The following MSH3 variants were observed in gnomAD, a reference collection of about 807,000 sequenced individuals.
The protein encoded by MSH3 is DNA mismatch repair protein Msh3.
MSH3 carries 106 observed loss-of-function variants against 123.3 expected under a neutral mutation model. The ratio of observed to expected loss-of-function variants is 0.86; its 90% CI spans 0.73 to 1.01. The LOEUF (loss-of-function observed/expected upper bound fraction) is 1.01. Among genes scored for constraint, MSH3 ranks in the 50% least tolerant of loss-of-function variants. MSH3 has a pLI of 0.00. For missense variants in MSH3, 1,459 were observed against 1,347.6 expected (o/e 1.08, Z -1.29); for synonymous variants, 515 against 481.4 (o/e 1.07, Z -0.91).
intron 19 of MSH3, among the ~76,000 whole-genome samples, chr5:80,795,453 T>C (rs1187281999): frequency 1.3e-5 from 2 of 152,084 alleles, no homozygotes; most frequent in African/African-American, 4.8e-5. Context: ...TCCTGGTTCC[T>C]AGATGACACC....
chr5:80,668,877 C>A (rs1749630994), intron 3 of MSH3, among the ~76,000 whole-genome samples: 1 of 152,184 alleles, frequency 6.6e-6, no homozygotes, highest in Non-Finnish European at 1.5e-5. Flanking sequence ...GAGGCTCTCA[C>A]CCTGCCAACT....
At chr5:80,796,304 T>A (rs1216667690) in intron 19 of MSH3, among the ~76,000 whole-genome samples, 1 of 152,146 alleles carries the variant, frequency 6.6e-6, no homozygotes, top group African/African-American at 2.4e-5. Flanking sequence ...ATTACAATAA[T>A]GTTTTAAAGA....
intron 18 of MSH3, among the ~76,000 whole-genome samples, chr5:80,788,307 C>T (rs1744549332): frequency 6.6e-6 from 1 of 152,016 alleles, no homozygotes; most frequent in African/African-American, 2.4e-5. Flanking sequence ...TGTGGTATCA[C>T]GTGCCTGTAA....
Position 80,853,883 on chromosome 5 carries a change from C to T in MSH3, c.2814-247C>T, listed in dbSNP as rs1979005. ...GAGAAAAAAGCAGGATCAAACGTTT[C>T]CCTACTTTTTAGGAGTTCTGTGCAA... On this transcript the variant is annotated intron_variant, in intron 20 of 23. Transcript: ENST00000265081. Among the ~76,000 whole-genome samples the T allele has an allele frequency of 0.11, 17,068 of 152,146 alleles. 1,285 individuals carry two copies. Among genetic ancestry groups the T allele is most frequent in the East Asian group, 0.33 (1,695 of 5,166 alleles).
intron 21 of MSH3, among the ~76,000 whole-genome samples, chr5:80,860,596 C>G (rs1265982669): frequency 2.0e-5 from 3 of 147,754 alleles, no homozygotes; most frequent in Non-Finnish European, 4.5e-5. Flanking sequence ...TTTTTTTTTT[C>G]TTTATCTTTG....
chr5:80,775,565 A>G, intron 15 of MSH3, 129 bp from the exon 16 acceptor site: 2 of 639,062 alleles, frequency 3.1e-6, no homozygotes, highest in Non-Finnish European at 2.8e-6. Flanking sequence ...ATACAGTCTG[A>G]AAAACAATAC....
rs189210536 is a variant in MSH3, at chr5:80,736,378, A to G, written c.1569-5086A>G. 1.1e-3 allele frequency among the ~76,000 whole-genome samples: 169 copies of G among 152,306 alleles called. 2 individuals carry two copies. The highest frequency in any genetic ancestry group is 1.5e-3 in the Non-Finnish European group (105 of 68,020). ...GATTTAAGACAGAAGTATAAAGAAA[A>G]AGATCAATTTAGGACTGAAGCGTAA... On this transcript the variant is annotated intron_variant, in intron 10 of 23. Transcript: ENST00000265081.
Position 80,690,302 on chromosome 5 carries a change from TTTG to T in MSH3, c.1340+11227_1340+11229del, listed in dbSNP as rs368913557. 5.5e-3 allele frequency among the ~76,000 whole-genome samples: 843 copies of T among 152,022 alleles called. 9 individuals carry two copies. The highest frequency in any genetic ancestry group is 0.019 in the African/African-American group (788 of 41,454). ...TGGGTACCAGTGTACCAGTTCCATTTTTGTTGTTGTTGTTGTTGTTTTTGAGAG... is the reference window on the plus strand; with the variant it reads ...TGGGTACCAGTGTACCAGTTCCATTTTTGTTGTTGTTGTTGTTTTTGAGAG... On this transcript the variant is annotated intron_variant, in intron 8 of 23. Transcript: ENST00000265081.
chr5:80,785,971 T>C (rs963856957), intron 17 of MSH3, among the ~76,000 whole-genome samples: 11 of 117,668 alleles, frequency 9.3e-5, no homozygotes, highest in East Asian at 8.3e-4. Flanking sequence ...AAGGGGAACA[T>C]CACACTCTGG....
At chr5:80,744,348 T>C (rs567723898) in intron 11 of MSH3, among the ~76,000 whole-genome samples, 158 bp from the exon 12 acceptor site, 1 of 152,314 alleles carries the variant, frequency 6.6e-6, no homozygotes, top group Non-Finnish European at 1.5e-5. Flanking sequence ...AGTACTTCAT[T>C]CTGTATGTAT....
intron 10 of MSH3, among the ~76,000 whole-genome samples, chr5:80,732,271 A>G (rs1222214881): frequency 6.6e-6 from 1 of 152,180 alleles, no homozygotes; most frequent in Non-Finnish European, 1.5e-5. Context: ...GTCATTTTGG[A>G]TGGTTTTTAT....
Position 80,728,894 on chromosome 5 carries a change from G to T in MSH3, c.1497G>T (p.Val499=), listed in dbSNP as rs1743353189. 6.2e-7 allele frequency: 1 copy of T among 1,612,440 alleles called. No homozygotes were observed. Among genetic ancestry groups the T allele is most frequent in the Non-Finnish European group, 8.5e-7 (1 of 1,178,726 alleles). Residue 499 remains valine, a synonymous_variant, in exon 10 of 24, where the codon GTG becomes GTT. Coordinates refer to ENST00000265081, the MANE Select transcript of MSH3 (RefSeq NM_002439.5). ...GCATTGTTAACTTAGAGAAGCCTGT[G>T]ATTTGCTCTTTGGCTGCCATCATAA... ...ISGIVNLEKP[V]ICSLAAIIKY... is the part of the protein sequence containing the mutation.
At chr5:80,682,178 A>AG (rs900749525) in intron 8 of MSH3, among the ~76,000 whole-genome samples, 1 of 152,180 alleles carries the variant, frequency 6.6e-6, no homozygotes, top group African/African-American at 2.4e-5. Flanking sequence ...AAAAGTTAGC[A>AG]GGGGTCAAAC....
intron 19 of MSH3, among the ~76,000 whole-genome samples, chr5:80,799,917 A>G (rs1376558417): frequency 6.6e-6 from 1 of 152,214 alleles, no homozygotes; most frequent in Non-Finnish European, 1.5e-5. Flanking sequence ...AATCATTAGC[A>G]CAGTGCCTGG....
chr5:80,658,037 C>CCTTTT, intron 2 of MSH3, among the ~76,000 whole-genome samples: 1 of 116,640 alleles, frequency 8.6e-6, no homozygotes, highest in South Asian at 2.5e-4. Flanking sequence ...TTTTTGCCCT[C>CCTTTT]TTTTTTTTTT....
intron 20 of MSH3, among the ~76,000 whole-genome samples, chr5:80,833,806 C>G (rs1489643444): frequency 6.6e-6 from 1 of 152,188 alleles, no homozygotes; most frequent in African/African-American, 2.4e-5. Flanking sequence ...AGCCACTGCG[C>G]CCAGCCATCT....
At chr5:80,729,429 A>C (rs868492067) in intron 10 of MSH3, among the ~76,000 whole-genome samples, 15 of 62,762 alleles carry the variant, frequency 2.4e-4, no homozygotes, top group African/African-American at 9.8e-4. Context: ...AAAAAAAAAA[A>C]ATGTGTGTGT....
intron 22 of MSH3, among the ~76,000 whole-genome samples, chr5:80,866,932 G>A (rs915833017): frequency 7.9e-5 from 12 of 151,966 alleles, no homozygotes; most frequent in Non-Finnish European, 1.6e-4. Context: ...AGATAGCTTC[G>A]TAAAATGCCT....
At chr5:80,783,446 T>TA (rs1332385187) in intron 17 of MSH3, among the ~76,000 whole-genome samples, 1 of 152,212 alleles carries the variant, frequency 6.6e-6, no homozygotes, top group Non-Finnish European at 1.5e-5. Context: ...CTTTAAGAGT[T>TA]ATGATGTTAT....
Sources: allele counts gnomAD v4.1 joint callset (sites outside exome capture counted in the v4.1 genomes callset), GRCh38; gene constraint gnomAD v4.1.1; transcripts MANE v1.5; gene names NCBI Gene and HGNC (gene_info 2026-07-23, HGNC 2026-07-21).